The following TSC22D1 variants were observed in gnomAD, a reference collection of about 807,000 sequenced individuals.
TSC22D1 encodes the protein TSC22 domain family member 1, also known as TSC22 domain family protein 1.
A neutral mutation model predicts 74.2 loss-of-function variants in TSC22D1; 9 were observed. That is an observed-to-expected ratio of 0.12 (90% confidence interval 0.07 to 0.21). The LOEUF is 0.21. TSC22D1 is among the 10% of genes least tolerant of loss of function. The pLI is 1.00. For synonymous variants in TSC22D1, 586 were observed against 492.5 expected, an observed-to-expected ratio of 1.19 and a Z score of -2.51; for missense variants, 1,427 against 1,304.7, an observed-to-expected ratio of 1.09 and a Z score of -1.44.
intron 1 of TSC22D1, among the ~76,000 whole-genome samples, chr13:44,533,233 G>A (rs1880954060): frequency 6.6e-6 from 1 of 152,064 alleles, no homozygotes; most frequent in Non-Finnish European, 1.5e-5. Context: ...GGCTGAGGTG[G>A]ATGGATCACT....
intron 1 of TSC22D1, among the ~76,000 whole-genome samples, chr13:44,483,963 C>A (rs186417465): frequency 4.2e-4 from 64 of 152,234 alleles, no homozygotes; most frequent in Non-Finnish European, 6.2e-4. Flanking sequence ...GCAACCAGGG[C>A]TCTTAAATTA....
intron 1 of TSC22D1, among the ~76,000 whole-genome samples, chr13:44,487,043 C>T (rs972638862): frequency 6.6e-6 from 1 of 151,828 alleles, no homozygotes; most frequent in African/African-American, 2.4e-5. Context: ...GTTTTAAATG[C>T]AAAGTTTCTA....
chr13:44,447,835 T>TTC (rs1238427219), intron 1 of TSC22D1, among the ~76,000 whole-genome samples: 3 of 137,674 alleles, frequency 2.2e-5, no homozygotes, highest in Non-Finnish European at 4.5e-5. Context: ...TGCCTTTTCT[T>TTC]TTTTTTTTTT....
At chr13:44,505,185 T>C (rs1194190782) in intron 1 of TSC22D1, among the ~76,000 whole-genome samples, 1 of 152,142 alleles carries the variant, frequency 6.6e-6, no homozygotes, top group Non-Finnish European at 1.5e-5. Flanking sequence ...TCCCAGAACT[T>C]TGGGAGGCCA....
intron 1 of TSC22D1, among the ~76,000 whole-genome samples, chr13:44,440,299 G>A (rs1446925177): frequency 2.6e-5 from 4 of 152,274 alleles, no homozygotes; most frequent in African/African-American, 9.6e-5. Flanking sequence ...GTGGCCGGGC[G>A]CGAGCGCGAT....
intron 1 of TSC22D1, among the ~76,000 whole-genome samples, chr13:44,533,675 CGGGA>C (rs1880982463): frequency 6.6e-6 from 1 of 151,690 alleles, no homozygotes; most frequent in Admixed American, 6.6e-5. Context: ...CCCAGGTACT[CGGGA>C]GGCTGAGGTG....
At chr13:44,561,572 A>G (rs995188016) in intron 1 of TSC22D1, among the ~76,000 whole-genome samples, 3 of 152,188 alleles carry the variant, frequency 2.0e-5, no homozygotes, top group Non-Finnish European at 4.4e-5. Flanking sequence ...CTCTTTGCTT[A>G]ATGTTTTCTC....
intron 1 of TSC22D1, among the ~76,000 whole-genome samples, chr13:44,547,609 T>C (rs565439850): frequency 2.9e-4 from 44 of 152,340 alleles, no homozygotes; most frequent in African/African-American, 1.0e-3. Flanking sequence ...TCGCAGGAAA[T>C]AGAGTTTAGT....
At position 44,468,000 on chromosome 13, in the gene TSC22D1, G is replaced by GCACACA. The variant is rs754334721; in HGVS notation, c.2913-31906_2913-31905insTGTGTG. Among the ~76,000 whole-genome samples, 63 of 115,092 alleles carry GCACACA rather than the reference G, an allele frequency of 5.5e-4. 1 individual carries two copies. In the South Asian group the frequency reaches 7.8e-3, roughly 14 times the overall value. 75.5% of individuals were successfully genotyped at this position (115,092 alleles called of 152,430 possible). ...ATATGGGATCAACCTATACACACACGCGCACACACACACACACACACAATG... is the reference window on the plus strand; with the variant it reads ...ATATGGGATCAACCTATACACACACGCACACACGCACACACACACACACACACAATG... On this transcript the variant is annotated intron_variant, in intron 1 of 2. Coordinates refer to ENST00000458659, the MANE Select transcript of TSC22D1 (RefSeq NM_183422.4).
intron 1 of TSC22D1, among the ~76,000 whole-genome samples, chr13:44,572,861 CATA>C (rs1487327877): frequency 6.6e-6 from 1 of 152,176 alleles, no homozygotes; most frequent in Non-Finnish European, 1.5e-5. Flanking sequence ...TTAAGCTTTC[CATA>C]ATATTTCTAA....
chr13:44,574,272 A>G lies in TSC22D1; in HGVS notation c.1803T>C (p.Ala601=). 6.2e-7 allele frequency: 1 copy of G among 1,614,216 alleles called. No individual in the cohort carries two copies. Among genetic ancestry groups the G allele is most frequent in the South Asian group, 1.1e-5 (1 of 91,088 alleles). ...LGQQPSISSL[A]QPQLPYSQAA... is the part of the protein sequence containing the mutation. ...CCTGAGAATATGGTAGCTGGGGTTG[A>G]GCCAAACTGGAAATGGAAGGCTGCT... The change falls in exon 1 of 3, where the codon GCT becomes GCC. Residue 601 remains alanine (A), a synonymous_variant. Coordinates refer to ENST00000458659, the MANE Select transcript of TSC22D1 (RefSeq NM_183422.4).
chr13:44,455,511 G>A, intron 1 of TSC22D1, among the ~76,000 whole-genome samples: 1 of 152,158 alleles, frequency 6.6e-6, no homozygotes, highest in East Asian at 1.9e-4. Context: ...GGTATTACAT[G>A]CCACTTTATA....
At chr13:44,517,857 A>ATATATATATTTTTTT (rs10627677) in intron 1 of TSC22D1, among the ~76,000 whole-genome samples, 2 of 16,174 alleles carry the variant, frequency 1.2e-4, no homozygotes, top group Non-Finnish European at 2.8e-4. Flanking sequence ...ATATATATAT[A>ATATATATATTTTTTT]TTTTTTTTTT....
At chr13:44,570,488 G>A (rs796413521) in intron 1 of TSC22D1, among the ~76,000 whole-genome samples, 23 of 152,142 alleles carry the variant, frequency 1.5e-4, no homozygotes, top group African/African-American at 5.3e-4. Context: ...CACCGCACAC[G>A]GCCTGACATT....
chr13:44,561,317 A>G (rs1164860364), intron 1 of TSC22D1, among the ~76,000 whole-genome samples: 1 of 152,196 alleles, frequency 6.6e-6, no homozygotes, highest in Non-Finnish European at 1.5e-5. Context: ...CTCATACTCA[A>G]TTAAGGAAGG....
intron 1 of TSC22D1, among the ~76,000 whole-genome samples, chr13:44,544,121 C>T (rs574055546): frequency 5.3e-5 from 8 of 152,096 alleles, no homozygotes; most frequent in African/African-American, 1.9e-4. Flanking sequence ...AATAAACTTT[C>T]ATGTATCCAT....
At chr13:44,571,874 ATG>A (rs1297865564) in intron 1 of TSC22D1, among the ~76,000 whole-genome samples, 5 of 152,290 alleles carry the variant, frequency 3.3e-5, no homozygotes, top group Middle Eastern at 3.4e-3. Context: ...CAATTTAACC[ATG>A]TCTTTATCTT....
chr13:44,563,428 T>C (rs981134560), intron 1 of TSC22D1, among the ~76,000 whole-genome samples: 2 of 152,164 alleles, frequency 1.3e-5, no homozygotes, highest in African/African-American at 2.4e-5. Flanking sequence ...TCCAACATGG[T>C]TCTTCCTGCT....
At chr13:44,540,696 T>G (rs1881416948) in intron 1 of TSC22D1, among the ~76,000 whole-genome samples, 1 of 152,164 alleles carries the variant, frequency 6.6e-6, no homozygotes, top group Non-Finnish European at 1.5e-5. Context: ...ATACCCAAAT[T>G]ATAGATGATG....
Sources: gnomAD v4.1 joint callset for allele counts (sites outside exome capture counted in the v4.1 genomes callset) on GRCh38, gnomAD v4.1.1 for gene constraint, MANE v1.5 for transcripts, NCBI Gene and HGNC (gene_info 2026-07-23, HGNC 2026-07-21) for gene names.